The following RARB variants were observed in gnomAD, a reference collection of about 807,000 sequenced individuals.
RARB encodes the protein retinoic acid receptor beta.
In RARB, 17 loss-of-function variants were observed where a neutral mutation model predicts 51.9. The observed-to-expected ratio is 0.33, with a 90% CI of 0.22 to 0.49. The LOEUF (loss-of-function observed/expected upper bound fraction) is 0.49, where lower values mean the gene tolerates loss of function less well. Ranked by LOEUF, RARB falls within the 20% of genes least tolerant of loss-of-function variation. RARB has a pLI of 0.99. For missense variants in RARB, 369 were observed against 550.8 expected, an observed-to-expected ratio of 0.67 and a Z score of 3.30; for synonymous variants, 215 against 195.4, an observed-to-expected ratio of 1.10 and a Z score of -0.84.
chr3:25,243,637 C>G (rs867264038), intron 5 of RARB, among the ~76,000 whole-genome samples: 2 of 152,142 alleles, frequency 1.3e-5, no homozygotes, highest in African/African-American at 4.8e-5. Flanking sequence ...GTTGAAACAG[C>G]CTTGCATCCC....
At chr3:25,016,335 G>A (rs1697508984) in intron 2 of RARB, among the ~76,000 whole-genome samples, 2 of 152,164 alleles carry the variant, frequency 1.3e-5, no homozygotes, top group African/African-American at 4.8e-5. Flanking sequence ...AAGGTTTTGG[G>A]CAGAATAATA....
chr3:25,367,129 A>G (rs992002925), intron 5 of RARB, among the ~76,000 whole-genome samples: 3 of 152,190 alleles, frequency 2.0e-5, no homozygotes, highest in African/African-American at 7.2e-5. Context: ...TCTCTCCAGT[A>G]TTTCCTCAGG....
chr3:24,989,032 G>T (rs562496067), intron 2 of RARB, among the ~76,000 whole-genome samples: 3 of 152,008 alleles, frequency 2.0e-5, no homozygotes, highest in Non-Finnish European at 1.5e-5. Flanking sequence ...CACCACGTTG[G>T]CCAGGCTGGT....
intron 5 of RARB, among the ~76,000 whole-genome samples, chr3:25,344,062 A>G (rs1011052264): frequency 2.0e-5 from 3 of 152,166 alleles, no homozygotes; most frequent in Non-Finnish European, 4.4e-5. Flanking sequence ...TAGGCTAAGG[A>G]TCAGGAGCCT....
intron 2 of RARB, among the ~76,000 whole-genome samples, chr3:25,478,264 C>CTTTAGTG (rs1696056844): frequency 6.6e-6 from 1 of 152,166 alleles, no homozygotes; most frequent in South Asian, 2.1e-4. Context: ...TGGGATAGTG[C>CTTTAGTG]CATAGTCACT....
intron 3 of RARB, among the ~76,000 whole-genome samples, chr3:25,568,873 CT>C (rs1559471871): frequency 6.6e-6 from 1 of 152,196 alleles, no homozygotes; most frequent in Non-Finnish European, 1.5e-5. Flanking sequence ...AGTTTCTTTC[CT>C]CGCGAGATCC....
At chr3:25,075,051 G>C (rs1010338588) in intron 3 of RARB, among the ~76,000 whole-genome samples, 3 of 152,072 alleles carry the variant, frequency 2.0e-5, no homozygotes, top group African/African-American at 7.2e-5. Flanking sequence ...TCTCTTTATT[G>C]CTCAAATTTA....
At chr3:24,932,533 T>G (rs1357679264) in intron 2 of RARB, among the ~76,000 whole-genome samples, 1 of 151,934 alleles carries the variant, frequency 6.6e-6, no homozygotes, top group African/African-American at 2.4e-5. Context: ...TGCGTATGCA[T>G]TTTTACACAC....
intron 5 of RARB, among the ~76,000 whole-genome samples, chr3:25,325,976 C>T (rs1704705415): frequency 6.6e-6 from 1 of 152,180 alleles, no homozygotes; most frequent in Non-Finnish European, 1.5e-5. Context: ...CGGAAGCTGA[C>T]TGTACATCCC....
At chr3:25,200,503 A>G (rs1701362341) in intron 5 of RARB, among the ~76,000 whole-genome samples, 1 of 152,132 alleles carries the variant, frequency 6.6e-6, no homozygotes, top group African/African-American at 2.4e-5. Context: ...TGTTTTAGAC[A>G]TGAAGTCCTT....
chr3:24,851,699 C>T (rs1264792469), intron 1 of RARB, among the ~76,000 whole-genome samples: 2 of 152,186 alleles, frequency 1.3e-5, no homozygotes, highest in Non-Finnish European at 2.9e-5. Flanking sequence ...TTAATAAAAA[C>T]CATTCAGCAT....
intron 3 of RARB, among the ~76,000 whole-genome samples, chr3:25,101,015 A>G (rs1012959790): frequency 1.3e-5 from 2 of 152,212 alleles, no homozygotes; most frequent in Non-Finnish European, 2.9e-5. Context: ...TACCTTGCAC[A>G]GGTAACATTT....
intron 4 of RARB, among the ~76,000 whole-genome samples, chr3:25,570,374 G>A (rs1260048062): frequency 2.6e-5 from 4 of 152,184 alleles, no homozygotes; most frequent in African/African-American, 7.2e-5. Flanking sequence ...CAATCCATCT[G>A]TGAAATCCAA....
rs66976672 is a variant in RARB at position 24,877,346 on chromosome 3, C to CTT, written c.-380+18610_-380+18611dup. Among the ~76,000 whole-genome samples, 241 of 81,908 alleles carry CTT rather than the reference C, an allele frequency of 2.9e-3. 35 individuals carry two copies. The South Asian group carries it at 0.03, about 10-fold the overall frequency. The allele number at this position is 81,908 out of a possible 152,430, so 53.7% of individuals were successfully genotyped here. A position where few individuals can be genotyped will look rare whatever the true frequency, so the allele number is the denominator to read the frequency against. On this transcript the variant is annotated intron_variant, in intron 2 of 11. Coordinates refer to the RARB transcript ENST00000383772. ...ATAGTAATTTTTTAAAGCAATCTTA[C>CTT]TTTTTTTTTTTTTTTTTGGAAAATT... is the stretch of plus-strand genomic sequence containing the variant.
chr3:25,083,441 AT>A (rs35576762), intron 3 of RARB, among the ~76,000 whole-genome samples: 149 of 151,498 alleles, frequency 9.8e-4, no homozygotes, highest in African/African-American at 1.9e-3. Context: ...TCATCCAGTG[AT>A]TTTTTTTTTT....
At chr3:24,969,078 C>T (rs1479175452) in intron 2 of RARB, among the ~76,000 whole-genome samples, 1 of 151,866 alleles carries the variant, frequency 6.6e-6, no homozygotes, top group East Asian at 1.9e-4. Context: ...ATACAATATT[C>T]ATTTAGAATC....
intron 1 of RARB, among the ~76,000 whole-genome samples, chr3:24,837,836 C>T (rs1457603836): frequency 1.3e-5 from 2 of 152,162 alleles, no homozygotes; most frequent in Non-Finnish European, 2.9e-5. Flanking sequence ...TCATTAGGGT[C>T]ACCAGTGGCC....
intron 5 of RARB, among the ~76,000 whole-genome samples, chr3:25,343,956 G>A (rs772942817): frequency 3.3e-5 from 5 of 152,156 alleles, no homozygotes; most frequent in African/African-American, 4.8e-5. Flanking sequence ...AATTATGACA[G>A]GAAAGTGTAG....
intron 3 of RARB, among the ~76,000 whole-genome samples, chr3:25,506,044 C>T (rs1347514901): frequency 6.6e-6 from 1 of 151,994 alleles, no homozygotes; most frequent in African/African-American, 2.4e-5. Context: ...TACAGAAATT[C>T]AAATGAATAG....
Sources: allele counts gnomAD v4.1 joint callset (sites outside exome capture counted in the v4.1 genomes callset), GRCh38; gene constraint gnomAD v4.1.1; transcripts MANE v1.5; gene names NCBI Gene and HGNC (gene_info 2026-07-23, HGNC 2026-07-21).